DIAPH2: variants seen among roughly 807,000 people sequenced by gnomAD.
DIAPH2 encodes diaphanous related formin 2.
Under a neutral mutation model 92.7 loss-of-function variants are expected in DIAPH2, and 35 were observed. The ratio of observed to expected loss-of-function variants is 0.38; its 90% confidence interval spans 0.29 to 0.50. The LOEUF is 0.50. Among genes scored for constraint, DIAPH2 ranks in the 20% least tolerant of loss-of-function variants. The pLI is 0.94. For missense variants in DIAPH2, 701 were observed against 819.5 expected, an observed-to-expected ratio of 0.86 and a Z score of 1.77; for synonymous variants, 301 against 280.4, an observed-to-expected ratio of 1.07 and a Z score of -0.73.
intron 9 of DIAPH2, among the ~76,000 whole-genome samples, chrX:96,925,094 G>A (rs1448997126): frequency 4.5e-5 from 5 of 110,440 alleles, no homozygotes; most frequent in Admixed American, 9.6e-5. Context: ...TTGGGCAATC[G>A]CATCTATCCT....
At chrX:97,287,115 C>A (rs1181061876) in intron 23 of DIAPH2, among the ~76,000 whole-genome samples, 1 of 111,298 alleles carries the variant, frequency 9.0e-6, no homozygotes, top group Non-Finnish European at 1.9e-5. Context: ...TTTTTTGGAG[C>A]CTGGACAACA....
chrX:96,855,623 T>C (rs1042086135), intron 4 of DIAPH2, among the ~76,000 whole-genome samples: 1 of 109,593 alleles, frequency 9.1e-6, no homozygotes, highest in Admixed American at 9.7e-5. Flanking sequence ...ATATTCATTT[T>C]AATCATCCTA....
intron 22 of DIAPH2, among the ~76,000 whole-genome samples, chrX:97,196,853 T>C (rs1180010389): frequency 9.3e-6 from 1 of 107,497 alleles, no homozygotes; most frequent in Non-Finnish European, 1.9e-5. Flanking sequence ...GTGGTGTGAT[T>C]TTGGCTCACT....
intron 22 of DIAPH2, among the ~76,000 whole-genome samples, chrX:97,181,888 T>C (rs1247236599): frequency 8.9e-6 from 1 of 112,745 alleles, no homozygotes; most frequent in African/African-American, 3.2e-5. Context: ...GTTTTTATAA[T>C]AAGATCATGG....
rs1368298020 is a variant in DIAPH2, at chrX:96,918,545, A to C, written c.906A>C (p.Ala302=). The C allele has an allele frequency of 1.7e-6, 2 of 1,205,285 alleles. No homozygotes were observed. Among genetic ancestry groups the C allele is most frequent in the Admixed American group, 4.4e-5 (2 of 44,987 alleles). The change falls in exon 9 of 27, where the codon GCA becomes GCC. Residue 302 remains alanine, a synonymous_variant. Coordinates refer to ENST00000324765, the MANE Select transcript of DIAPH2 (RefSeq NM_006729.5). ...DKLLGAITTA[A]ERNNRERFSP... ...TTTTAGGGGCTATAACAACAGCAGC[A>C]GAAAGAAATAACAGGGAACGATTTT... is the stretch of plus-strand genomic sequence containing the variant.
chrX:97,406,392 A>T (rs1159007328), intron 25 of DIAPH2, among the ~76,000 whole-genome samples: 1 of 111,989 alleles, frequency 8.9e-6, no homozygotes, highest in East Asian at 2.8e-4. Flanking sequence ...GATGTCAGCA[A>T]TGTGTAGATT....
chrX:97,063,238 C>A (rs1332146763), intron 17 of DIAPH2, among the ~76,000 whole-genome samples: 1 of 111,038 alleles, frequency 9.0e-6, no homozygotes, highest in Non-Finnish European at 1.9e-5. Context: ...TTGATGTTTC[C>A]CATTGAGCTC....
chrX:96,954,670 C>G lies in DIAPH2; in HGVS notation c.1615-3158C>G, dbSNP rs1164505964. ...CTTTTGGTTAGTCATTTAACTTTTT[C>G]TGCAGCTAACAGTTTCCTCATCTTT... On this transcript the variant is annotated intron_variant, in intron 15 of 26. Coordinates refer to ENST00000324765, the MANE Select transcript of DIAPH2 (RefSeq NM_006729.5). 2.7e-5 allele frequency among the ~76,000 whole-genome samples: 3 copies of G among 112,259 alleles called. No individual in the cohort carries two copies. The East Asian group carries it at 8.3e-4, about 31-fold the overall frequency.
chrX:97,456,112 G>T (rs1435074858), intron 26 of DIAPH2, among the ~76,000 whole-genome samples: 1 of 112,473 alleles, frequency 8.9e-6, no homozygotes, highest in African/African-American at 3.2e-5. Flanking sequence ...CTCAGGCCGG[G>T]CGCGGTGGCT....
intron 23 of DIAPH2, chrX:97,341,096 A>T (rs1169159616): frequency 1.9e-5 from 2 of 104,828 alleles, no homozygotes; most frequent in African/African-American, 7.0e-5. Context: ...GAAGACTGAG[A>T]TGAGAGGATT....
chrX:96,970,652 A>G (rs1266099365), intron 17 of DIAPH2, among the ~76,000 whole-genome samples: 1 of 110,278 alleles, frequency 9.1e-6, no homozygotes, highest in Non-Finnish European at 1.9e-5. Context: ...TAATCTAGGT[A>G]GCGGTCCATT....
intron 23 of DIAPH2, among the ~76,000 whole-genome samples, chrX:97,313,984 T>C (rs1179862080): frequency 1.8e-5 from 2 of 111,054 alleles, no homozygotes; most frequent in Admixed American, 9.7e-5. Context: ...GTAATTAAGG[T>C]AGATACACAC....
In DIAPH2 at chrX:97,473,547, GC is replaced by G. The variant is rs1445278100; in HGVS notation, c.3241+43803del. 9.9e-5 allele frequency among the ~76,000 whole-genome samples: 11 copies of G among 111,222 alleles called. No homozygotes were observed. The East Asian group carries it at 2.9e-3, about 29-fold the overall frequency. On this transcript the variant is annotated intron_variant, in intron 26 of 26. Coordinates refer to ENST00000324765, the MANE Select transcript of DIAPH2 (RefSeq NM_006729.5). ...GACGGGGTTTCACCGTGTTGGTCAGGCTTGGTCTTGAACTCCTGACCTCGTG... is the reference window on the plus strand; with the variant it reads ...GACGGGGTTTCACCGTGTTGGTCAGGTTGGTCTTGAACTCCTGACCTCGTG...
chrX:96,861,723 C>T (rs1390012448), intron 4 of DIAPH2, among the ~76,000 whole-genome samples: 1 of 112,141 alleles, frequency 8.9e-6, no homozygotes, highest in Non-Finnish European at 1.9e-5. Context: ...TTTACTTCAC[C>T]AGCATCTGCT....
intron 22 of DIAPH2, among the ~76,000 whole-genome samples, chrX:97,179,051 G>A (rs1406575752): frequency 1.8e-5 from 2 of 111,278 alleles, no homozygotes; most frequent in Non-Finnish European, 3.8e-5. Flanking sequence ...AAATTACGCA[G>A]TCTGTGGTAT....
intron 22 of DIAPH2, among the ~76,000 whole-genome samples, chrX:97,185,329 ATATATATATATGTATATATATATG>A (rs1555998036): frequency 1.1e-4 from 1 of 9,406 alleles, no homozygotes; most frequent in African/African-American, 3.3e-4. Context: ...ATATATGTGT[ATATATATATATGTATATATATATG>A]TGTGTATATA....
intron 4 of DIAPH2, among the ~76,000 whole-genome samples, chrX:96,814,430 C>CT (rs1028315773): frequency 9.0e-6 from 1 of 111,570 alleles, no homozygotes; most frequent in Non-Finnish European, 1.9e-5. Context: ...TTTGTCTAAT[C>CT]TTTTTTCTAG....
intron 26 of DIAPH2, among the ~76,000 whole-genome samples, chrX:97,537,985 C>T (rs1235873392): frequency 9.3e-6 from 1 of 107,304 alleles, no homozygotes; most frequent in Non-Finnish European, 1.9e-5. Context: ...CCCGGGTTCA[C>T]GCCATTCTCC....
chrX:96,782,766 G>A (rs1398945604), intron 4 of DIAPH2, among the ~76,000 whole-genome samples: 1 of 111,247 alleles, frequency 9.0e-6, no homozygotes, highest in African/African-American at 3.3e-5. Context: ...AAAATATTTA[G>A]TGAGTGCTTA....
Sources: allele counts gnomAD v4.1 joint callset (sites outside exome capture counted in the v4.1 genomes callset), GRCh38; gene constraint gnomAD v4.1.1; transcripts MANE v1.5; gene names NCBI Gene and HGNC (gene_info 2026-07-23, HGNC 2026-07-21).